CSMD1: variants seen among roughly 807,000 people sequenced by gnomAD.
CSMD1 encodes the protein CUB and sushi domain-containing protein 1.
In CSMD1, 213 loss-of-function variants were observed where a neutral mutation model predicts 417.5. That is an observed-to-expected ratio of 0.51 (90% CI 0.46 to 0.57). The LOEUF is 0.57. Ranked by LOEUF, CSMD1 falls within the 20% of genes least tolerant of loss-of-function variation. The pLI is 0.00. For synonymous variants in CSMD1, 2,862 were observed against 1,736.8 expected (o/e 1.65, Z -16.11); for missense variants, 6,923 against 4,529.7 (o/e 1.53, Z -15.17).
chr8:3,895,712 A>G (rs1807312474), intron 5 of CSMD1, among the ~76,000 whole-genome samples: 1 of 152,174 alleles, frequency 6.6e-6, no homozygotes, highest in African/African-American at 2.4e-5. Flanking sequence ...TAACTTGTCA[A>G]TTTATTTGCT....
At chr8:3,255,789 G>A (rs1646684485) in intron 26 of CSMD1, among the ~76,000 whole-genome samples, 1 of 152,112 alleles carries the variant, frequency 6.6e-6, no homozygotes, top group Non-Finnish European at 1.5e-5. Context: ...GACTAGAAAG[G>A]GAATTCCCTG....
chr8:4,538,003 T>G lies in CSMD1; in HGVS notation c.302+99339A>C, dbSNP rs34981220. 2.8e-3 allele frequency among the ~76,000 whole-genome samples: 431 copies of G among 152,348 alleles called. 4 individuals carry two copies. Among genetic ancestry groups the G allele is most frequent in the Non-Finnish European group, 4.5e-3 (309 of 68,036 alleles). ...AAACCAGACACCATGCTCTGCGTCATGGTTTTCATCTGAATCACATAACTG... is the reference window on the plus strand; with the variant it reads ...AAACCAGACACCATGCTCTGCGTCAGGGTTTTCATCTGAATCACATAACTG... On this transcript the variant is annotated intron_variant, in intron 2 of 69. Coordinates refer to ENST00000635120, the MANE Select transcript of CSMD1 (RefSeq NM_033225.6).
chr8:3,774,664 G>A (rs928522354), intron 5 of CSMD1, among the ~76,000 whole-genome samples: 1 of 152,108 alleles, frequency 6.6e-6, no homozygotes, highest in African/African-American at 2.4e-5. Context: ...CTGGAGACCA[G>A]TGAAAAAATC....
At chr8:3,958,608 G>C (rs544490150) in intron 5 of CSMD1, among the ~76,000 whole-genome samples, 7 of 152,114 alleles carry the variant, frequency 4.6e-5, no homozygotes, top group African/African-American at 7.2e-5. Flanking sequence ...ACCCGCATTT[G>C]AATAATTTAA....
intron 3 of CSMD1, among the ~76,000 whole-genome samples, chr8:4,039,819 C>T (rs144884945): frequency 6.6e-6 from 1 of 152,278 alleles, no homozygotes; most frequent in African/African-American, 2.4e-5. Flanking sequence ...GTCATCAGAT[C>T]TGGCATCAAA....
At chr8:3,276,352 C>G (rs1016566685) in intron 26 of CSMD1, among the ~76,000 whole-genome samples, 2 of 152,158 alleles carry the variant, frequency 1.3e-5, no homozygotes, top group African/African-American at 2.4e-5. Flanking sequence ...AGAAATCACC[C>G]ATCTTCTGTG....
At chr8:4,918,930 G>T (rs187717650) in intron 1 of CSMD1, among the ~76,000 whole-genome samples, 20 of 152,256 alleles carry the variant, frequency 1.3e-4, no homozygotes, top group African/African-American at 4.3e-4. Flanking sequence ...ATTCTGGGGG[G>T]TGTATGTATG....
chr8:4,720,386 G>A (rs1808975112), intron 1 of CSMD1, among the ~76,000 whole-genome samples: 1 of 152,004 alleles, frequency 6.6e-6, no homozygotes, highest in Admixed American at 6.6e-5. Context: ...TATATTAAAT[G>A]CAAAACTATC....
At chr8:4,057,544 C>G (rs1364597039) in intron 3 of CSMD1, among the ~76,000 whole-genome samples, 5 of 151,972 alleles carry the variant, frequency 3.3e-5, no homozygotes, top group Non-Finnish European at 5.9e-5. Flanking sequence ...TTAATTAGAT[C>G]CCATTTGTCA....
intron 2 of CSMD1, among the ~76,000 whole-genome samples, chr8:4,584,579 C>A (rs1166056586): frequency 6.6e-6 from 1 of 152,114 alleles, no homozygotes; most frequent in Non-Finnish European, 1.5e-5. Context: ...TCCTGTACTT[C>A]TGGGCTGAGC....
At chr8:3,322,653 G>A (rs1371766169) in intron 23 of CSMD1, among the ~76,000 whole-genome samples, 1 of 152,130 alleles carries the variant, frequency 6.6e-6, no homozygotes, top group East Asian at 1.9e-4. Context: ...CTGGTCACCT[G>A]GCCTCCAGGT....
At chr8:4,380,988 G>T (rs1419409305) in intron 3 of CSMD1, among the ~76,000 whole-genome samples, 1 of 152,072 alleles carries the variant, frequency 6.6e-6, no homozygotes, top group Non-Finnish European at 1.5e-5. Flanking sequence ...AAAAGAAAAA[G>T]CGTATCTCAC....
At chr8:4,069,935 G>A (rs1006929455) in intron 3 of CSMD1, among the ~76,000 whole-genome samples, 3 of 152,086 alleles carry the variant, frequency 2.0e-5, no homozygotes, top group Non-Finnish European at 4.4e-5. Context: ...TAAAATTGCA[G>A]TATTATTTTT....
chr8:4,518,696 C>T (rs902371006), intron 2 of CSMD1, among the ~76,000 whole-genome samples: 1 of 151,580 alleles, frequency 6.6e-6, no homozygotes, highest in Non-Finnish European at 1.5e-5. Context: ...AGCACACCAA[C>T]GTGGCACATG....
At chr8:4,137,051 C>A (rs182325251) in intron 3 of CSMD1, among the ~76,000 whole-genome samples, 1 of 152,176 alleles carries the variant, frequency 6.6e-6, no homozygotes, top group Non-Finnish European at 1.5e-5. Flanking sequence ...GTTGGCTTTT[C>A]GGGCTCTAAC....
intron 1 of CSMD1, among the ~76,000 whole-genome samples, chr8:4,912,874 C>T (rs139520868): frequency 1.3e-5 from 2 of 152,232 alleles, no homozygotes; most frequent in African/African-American, 4.8e-5. Flanking sequence ...CAACCTCCAC[C>T]TCCTGGGTTC....
At chr8:4,058,481 C>G (rs1798810785) in intron 3 of CSMD1, among the ~76,000 whole-genome samples, 1 of 152,290 alleles carries the variant, frequency 6.6e-6, no homozygotes. Flanking sequence ...CATCTGCAAA[C>G]AGGGACAATT....
chr8:3,866,465 G>A (rs1047116119), intron 5 of CSMD1, among the ~76,000 whole-genome samples: 2 of 152,126 alleles, frequency 1.3e-5, no homozygotes, highest in African/African-American at 4.8e-5. Context: ...GTGTGCTTGT[G>A]ATATTAATAT....
chr8:3,438,235 C>T lies in CSMD1; in HGVS notation c.1562-28630G>A, dbSNP rs113619956. 6.0e-3 allele frequency among the ~76,000 whole-genome samples: 917 copies of T among 152,262 alleles called. 13 individuals are homozygous for T. The highest frequency in any genetic ancestry group is 0.02 in the African/African-American group (840 of 41,556). On this transcript the variant is annotated intron_variant, in intron 12 of 69. Coordinates refer to ENST00000635120, the MANE Select transcript of CSMD1 (RefSeq NM_033225.6). The stretch of plus-strand genomic sequence containing the variant: ...GTTGTAAGAGGTAATACAAAGTTCT[C>T]ATGTAAGTTTTAGGCAGTTACAAAG...
Sources: allele counts gnomAD v4.1 joint callset (sites outside exome capture counted in the v4.1 genomes callset), GRCh38; gene constraint gnomAD v4.1.1; transcripts MANE v1.5; gene names NCBI Gene and HGNC (gene_info 2026-07-23, HGNC 2026-07-21).